DPH6: variants seen among roughly 807,000 people sequenced by gnomAD.
DPH6 encodes the protein diphthamine biosynthesis 6.
A neutral mutation model predicts 38.2 loss-of-function variants in DPH6; 33 were observed. The ratio of observed to expected loss-of-function variants is 0.86; its 90% CI spans 0.65 to 1.15. DPH6 has a LOEUF of 1.15. Ranked by LOEUF, DPH6 falls within the 50% of genes most tolerant of loss-of-function variation. The pLI, the probability that DPH6 is intolerant of heterozygous loss-of-function variation, is 0.00. For synonymous variants in DPH6, 108 were observed against 103.0 expected, an observed-to-expected ratio of 1.05 and a Z score of -0.30; for missense variants, 325 against 320.0, an observed-to-expected ratio of 1.02 and a Z score of -0.12.
At chr15:35,203,629 G>A in the DPH6 span, among the ~76,000 whole-genome samples, 1 of 151,614 alleles carries the variant, frequency 6.6e-6, no homozygotes, top group South Asian at 2.1e-4. Context: ...CTGATATGCA[G>A]AATAAATAAA....
At chr15:35,332,775 A>G (rs2052335538) in intron 3 of DPH6, among the ~76,000 whole-genome samples, 1 of 152,136 alleles carries the variant, frequency 6.6e-6, no homozygotes, top group East Asian at 1.9e-4. Flanking sequence ...AGTTAATGTT[A>G]TTGTTAAATT....
chr15:35,298,496 T>C, intron 3 of DPH6: 2 of 774,828 alleles, frequency 2.6e-6, no homozygotes, highest in Non-Finnish European at 4.8e-6. Flanking sequence ...CAAGTCTTCA[T>C]CCACCTTTCC....
At chr15:35,469,072 AAAC>A (rs10649323) in intron 3 of DPH6, among the ~76,000 whole-genome samples, 92,901 of 148,998 alleles carry the variant, frequency 0.62, 31,699 homozygotes, top group South Asian at 0.81. Context: ...CTCTGCTTCA[AAAC>A]AACAACAACA....
In DPH6 at chr15:35,299,214, C is replaced by T. The variant is rs1308644022; in HGVS notation, n.200+74307G>A. 19 of 1,281,772 alleles carry T rather than the reference C, an allele frequency of 1.5e-5. No individual in the cohort carries two copies. In the East Asian group the frequency reaches 3.7e-4, roughly 25 times the overall value. The allele number at this position is 1,281,772 out of a possible 1,614,324, so 79.4% of individuals were successfully genotyped here. On this transcript the variant is annotated intron_variant and non_coding_transcript_variant, in intron 3 of 3. Coordinates refer to the DPH6 transcript ENST00000560386. ...CCCACTGGGAACAGGATCCTTCAGC[C>T]CAGCTGGCACATGCGGTGGTGTGTC...
chr15:35,538,210 C>A (rs1020607643), intron 3 of DPH6, 64 bp downstream of exon 3: 1 of 1,295,158 alleles, frequency 7.7e-7, no homozygotes. Context: ...CTAAATAATT[C>A]GGCAAATGTA....
In DPH6 at chr15:35,494,795, A is replaced by T. The variant is rs533558548; in HGVS notation, c.313-39975T>A. On this transcript the variant is annotated intron_variant, in intron 3 of 8. Coordinates refer to ENST00000256538, the MANE Select transcript of DPH6 (RefSeq NM_080650.4). ...AAAGTCCACTCATGATTTTTTTTTTAAAAAAAAACTTGCTTAACAAATGAA... is the reference window on the plus strand; with the variant it reads ...AAAGTCCACTCATGATTTTTTTTTTTAAAAAAAACTTGCTTAACAAATGAA... Among the ~76,000 whole-genome samples the T allele has an allele frequency of 6.5e-3, 982 of 150,736 alleles. 7 individuals are homozygous for T. Among genetic ancestry groups the T allele is most frequent in the African/African-American group, 0.017 (689 of 40,892 alleles).
intron 6 of DPH6, among the ~76,000 whole-genome samples, chr15:35,384,683 T>A (rs895244266): frequency 2.0e-5 from 3 of 151,430 alleles, no homozygotes; most frequent in East Asian, 1.9e-4. Flanking sequence ...AAAATAAAAA[T>A]AAAAAATCAC....
intron 2 of DPH6, among the ~76,000 whole-genome samples, chr15:35,540,287 G>C (rs140453469): frequency 6.6e-4 from 100 of 152,172 alleles, no homozygotes; most frequent in African/African-American, 2.3e-3. Context: ...TGCCACAAAA[G>C]TTCCTACTAC....
At chr15:35,545,681 G>C (rs2055336900) in intron 1 of DPH6, among the ~76,000 whole-genome samples, 1 of 152,054 alleles carries the variant, frequency 6.6e-6, no homozygotes, top group Admixed American at 6.6e-5. Context: ...AGAGGACGAA[G>C]AAAGCGAGGG....
At chr15:35,162,158 G>A in the DPH6 span, among the ~76,000 whole-genome samples, 1 of 151,904 alleles carries the variant, frequency 6.6e-6, no homozygotes, top group East Asian at 1.9e-4. Context: ...CTACAGTACA[G>A]TCTTCTAATG....
the DPH6 span, among the ~76,000 whole-genome samples, chr15:35,208,930 A>C: frequency 5.1e-4 from 77 of 152,138 alleles, no homozygotes; most frequent in Non-Finnish European, 7.6e-4. Context: ...GAAAGCAGGT[A>C]TCTTTAAATT....
At chr15:35,335,619 A>T (rs2052365163) in intron 3 of DPH6, among the ~76,000 whole-genome samples, 2 of 152,198 alleles carry the variant, frequency 1.3e-5, no homozygotes, top group Admixed American at 1.3e-4. Flanking sequence ...ATGGCTAGCC[A>T]GTTCTCCCAG....
At chr15:35,249,998 C>T (rs1442015927) in intron 3 of DPH6, among the ~76,000 whole-genome samples, 2 of 115,270 alleles carry the variant, frequency 1.7e-5, no homozygotes, top group African/African-American at 2.5e-5. Flanking sequence ...ACCATCTCTA[C>T]TAAAAATATA....
At chr15:35,370,224 A>G (rs560351218), downstream of DPH6, among the ~76,000 whole-genome samples, 1 of 151,878 alleles carries the variant, frequency 6.6e-6, no homozygotes, top group African/African-American at 2.4e-5. Context: ...CATAAACATA[A>G]AGCACAAAGC....
intron 3 of DPH6, among the ~76,000 whole-genome samples, chr15:35,508,472 C>T (rs775243744): frequency 6.6e-6 from 1 of 152,070 alleles, no homozygotes; most frequent in Non-Finnish European, 1.5e-5. Flanking sequence ...CAACATGCTA[C>T]TTCATCTATT....
chr15:35,365,586 A>G (rs1013651304), intron 3 of DPH6, among the ~76,000 whole-genome samples: 2 of 152,200 alleles, frequency 1.3e-5, no homozygotes, highest in East Asian at 1.9e-4. Flanking sequence ...AAGACAGTCA[A>G]TTGGAGTTTG....
At chr15:35,186,150 C>G in the DPH6 span, among the ~76,000 whole-genome samples, 7 of 152,082 alleles carry the variant, frequency 4.6e-5, no homozygotes, top group Non-Finnish European at 8.8e-5. Flanking sequence ...TAGCCATATA[C>G]CCTACTATAA....
At chr15:35,170,597 C>T in the DPH6 span, among the ~76,000 whole-genome samples, 1 of 152,116 alleles carries the variant, frequency 6.6e-6, no homozygotes, top group African/African-American at 2.4e-5. Flanking sequence ...AACCTATTCA[C>T]TAATATGCAT....
At position 35,283,988 on chromosome 15, in the gene DPH6, T is replaced by C. The variant is rs562609205; in HGVS notation, n.201-63406A>G. 2.0e-5 allele frequency among the ~76,000 whole-genome samples: 3 copies of C among 152,356 alleles called. No individual in the cohort carries two copies. In the South Asian group the frequency reaches 6.2e-4, roughly 32 times the overall value. On this transcript the variant is annotated intron_variant and non_coding_transcript_variant, in intron 3 of 3. Transcript: ENST00000560386. ...AGATGTTTTATTCTTTCATTAAGCA[T>C]AAATTTTAAAATCCATTACTTTTAA...
Sources: allele counts gnomAD v4.1 joint callset (sites outside exome capture counted in the v4.1 genomes callset), GRCh38; gene constraint gnomAD v4.1.1; transcripts MANE v1.5; gene names NCBI Gene and HGNC (gene_info 2026-07-23, HGNC 2026-07-21).